Variants in SEMA5A observed in about 807,000 individuals in gnomAD.
SEMA5A encodes semaphorin-5A.
Under a neutral mutation model 135.5 loss-of-function variants are expected in SEMA5A, and 55 were observed. The ratio of observed to expected loss-of-function variants is 0.41; its 90% CI spans 0.33 to 0.51. The LOEUF is 0.51. Among genes scored for constraint, SEMA5A ranks in the 20% least tolerant of loss-of-function variants. SEMA5A has a pLI of 0.37. For synonymous variants in SEMA5A, 580 were observed against 546.5 expected, an observed-to-expected ratio of 1.06 and a Z score of -0.85; for missense variants, 1,290 against 1,419.9, an observed-to-expected ratio of 0.91 and a Z score of 1.47.
chr5:9,275,174 C>G (rs996468458), intron 5 of SEMA5A, among the ~76,000 whole-genome samples: 1 of 152,038 alleles, frequency 6.6e-6, no homozygotes, highest in Admixed American at 6.5e-5. Context: ...CACAGAAATG[C>G]AAACTACCAT....
chr5:9,102,155 A>T (rs1739667174), intron 16 of SEMA5A, among the ~76,000 whole-genome samples: 1 of 152,240 alleles, frequency 6.6e-6, no homozygotes, highest in South Asian at 2.1e-4. Flanking sequence ...CAAACAAGCA[A>T]GCAGCCAATT....
chr5:9,412,747 T>C (rs1198838414), intron 2 of SEMA5A, among the ~76,000 whole-genome samples: 1 of 152,180 alleles, frequency 6.6e-6, no homozygotes, highest in Non-Finnish European at 1.5e-5. Flanking sequence ...TTAATAATTT[T>C]ATGCATGAAA....
At chr5:9,180,377 C>T (rs1037996783) in intron 11 of SEMA5A, among the ~76,000 whole-genome samples, 4 of 152,120 alleles carry the variant, frequency 2.6e-5, no homozygotes, top group Non-Finnish European at 5.9e-5. Context: ...CAAAGAAGCA[C>T]TCAAATTATG....
At chr5:9,533,893 T>A (rs1737596377) in intron 1 of SEMA5A, among the ~76,000 whole-genome samples, 1 of 152,104 alleles carries the variant, frequency 6.6e-6, no homozygotes, top group African/African-American at 2.4e-5. Flanking sequence ...ACATCTGACA[T>A]AAACTGCAAC....
chr5:9,205,545 T>C (rs1353926249), intron 8 of SEMA5A, among the ~76,000 whole-genome samples: 1 of 152,128 alleles, frequency 6.6e-6, no homozygotes, highest in Admixed American at 6.5e-5. Flanking sequence ...CAATGGCAGG[T>C]AGACTGACCC....
chr5:9,105,870 C>T (rs550754110), intron 16 of SEMA5A, among the ~76,000 whole-genome samples: 2 of 152,272 alleles, frequency 1.3e-5, no homozygotes, highest in East Asian at 1.9e-4. Flanking sequence ...ATATGAAGAC[C>T]AAAAATGTTG....
intron 11 of SEMA5A, among the ~76,000 whole-genome samples, chr5:9,182,183 G>C (rs1744561517): frequency 7.0e-6 from 1 of 143,042 alleles, no homozygotes; most frequent in Non-Finnish European, 1.5e-5. Context: ...GCTTCCTGAG[G>C]ACAGGGTGTC....
At chr5:9,439,251 T>C (rs1758145389) in intron 1 of SEMA5A, among the ~76,000 whole-genome samples, 1 of 152,098 alleles carries the variant, frequency 6.6e-6, no homozygotes, top group Non-Finnish European at 1.5e-5. Flanking sequence ...TTCCTCAGAG[T>C]GGCCAATTTC....
chr5:9,303,562 G>C (rs1751718475), intron 5 of SEMA5A, among the ~76,000 whole-genome samples: 1 of 151,760 alleles, frequency 6.6e-6, no homozygotes, highest in Non-Finnish European at 1.5e-5. Flanking sequence ...GTTTCTAGGA[G>C]GTATAATATA....
At chr5:9,221,432 A>C (rs1317382968) in intron 8 of SEMA5A, among the ~76,000 whole-genome samples, 1 of 149,650 alleles carries the variant, frequency 6.7e-6, no homozygotes, top group East Asian at 2.0e-4. Flanking sequence ...CCTCCCGAGT[A>C]GCTGGGACTA....
At chr5:9,496,588 T>A (rs923551654) in intron 1 of SEMA5A, among the ~76,000 whole-genome samples, 1 of 152,174 alleles carries the variant, frequency 6.6e-6, no homozygotes, top group African/African-American at 2.4e-5. Context: ...ACCATGTTTT[T>A]TTCAGATCAG....
At chr5:9,074,274 T>A (rs944067396) in intron 16 of SEMA5A, among the ~76,000 whole-genome samples, 4 of 152,204 alleles carry the variant, frequency 2.6e-5, no homozygotes, top group African/African-American at 9.6e-5. Context: ...GAAAATGATG[T>A]TGGAATAATT....
chr5:9,392,611 C>T (rs1035380766), intron 2 of SEMA5A, among the ~76,000 whole-genome samples: 3 of 152,100 alleles, frequency 2.0e-5, no homozygotes, highest in African/African-American at 7.2e-5. Flanking sequence ...AATAACAGGA[C>T]TTAGATTATG....
chr5:9,417,122 A>T (rs1220102387), intron 2 of SEMA5A, among the ~76,000 whole-genome samples: 1 of 152,264 alleles, frequency 6.6e-6, no homozygotes, highest in East Asian at 1.9e-4. Context: ...GCAGAAAAAT[A>T]AGAGAGGCCA....
chr5:9,054,233 G>A lies in SEMA5A; in HGVS notation c.2543C>T (p.Ser848Phe). ...TGTTGCTGAACATTTTGTCCAGGGG[G>A]ACCAGCAAGACCACACGCCATCCAC... ...CPVDGVWSCW[S>F]PWTKCSATCG... Residue 848 changes from serine (S) to phenylalanine (F), a missense_variant, in exon 19 of 23, where the codon TCC becomes TTC. This residue lies in a region of SEMA5A where 1,029 missense variants were observed against 1,086.6 expected (regional missense o/e 0.95). Transcript: ENST00000382496. 1 of 1,613,584 alleles carries A rather than the reference G, an allele frequency of 6.2e-7. No individual in the cohort carries two copies.
Position 9,341,651 on chromosome 5 carries a change from A to G in SEMA5A, c.125-3839T>C, listed in dbSNP as rs577190147. 7.8e-3 allele frequency among the ~76,000 whole-genome samples: 590 copies of G among 75,994 alleles called. 2 individuals are homozygous for G. Among genetic ancestry groups the G allele is most frequent in the Middle Eastern group, 0.025 (4 of 158 alleles). 49.9% of individuals were successfully genotyped at this position (75,994 alleles called of 152,430 possible). Reference sequence around the variant, plus strand: ...AATATGGCAGCCAATATGACTATATATATATAATATATATAATATATATTA... The same window carrying G: ...AATATGGCAGCCAATATGACTATATGTATATAATATATATAATATATATTA... On this transcript the variant is annotated intron_variant, in intron 3 of 22. Coordinates refer to ENST00000382496, the MANE Select transcript of SEMA5A (RefSeq NM_003966.3).
In SEMA5A at chr5:9,054,201, C is replaced by G. The variant is rs146447120; in HGVS notation, c.2575G>C (p.Gly859Arg). 4.3e-6 allele frequency: 7 copies of G among 1,614,034 alleles called. No individual in the cohort carries two copies. The African/African-American group carries it at 8.0e-5, about 18-fold the overall frequency. The change falls in exon 19 of 23, where the codon GGT (glycine) becomes CGT (arginine). Residue 859 changes from glycine to arginine, a missense_variant. By Grantham distance (125) the Gly-to-Arg change is moderately radical. This residue lies in a region of SEMA5A where 1,029 missense variants were observed against 1,086.6 expected (regional missense o/e 0.95). Transcript: ENST00000382496. ...GAGCGGGTCCTCATATAGTGTCCAC[C>G]GCCGCATGTTGCTGAACATTTTGTC... The part of the protein sequence containing the change: ...PWTKCSATCG[G>R]GHYMRTRSCS...
chr5:9,291,921 A>G (rs1406942644), intron 5 of SEMA5A, among the ~76,000 whole-genome samples: 1 of 152,186 alleles, frequency 6.6e-6, no homozygotes, highest in Non-Finnish European at 1.5e-5. Context: ...TTTTGCTACA[A>G]GTAAGGATGT....
At chr5:9,152,292 A>G (rs1309978189) in intron 12 of SEMA5A, among the ~76,000 whole-genome samples, 1 of 152,148 alleles carries the variant, frequency 6.6e-6, no homozygotes, top group Non-Finnish European at 1.5e-5. Flanking sequence ...CCTTCTAGAT[A>G]TATTCCAGCT....
Sources: gnomAD v4.1 joint callset for allele counts (sites outside exome capture counted in the v4.1 genomes callset) on GRCh38, gnomAD v4.1.1 for gene constraint, gnomAD v4.1.1 regional missense constraint, MANE v1.5 for transcripts, NCBI Gene and HGNC (gene_info 2026-07-23, HGNC 2026-07-21) for gene names.